The following PAK3 variants were observed in gnomAD, a reference collection of about 807,000 sequenced individuals.
The protein encoded by PAK3 is serine/threonine-protein kinase PAK 3.
Under a neutral mutation model 41.0 loss-of-function variants are expected in PAK3, and 4 were observed. That is an observed-to-expected ratio of 0.10 (90% CI 0.05 to 0.22). The LOEUF is 0.22. Ranked by LOEUF, PAK3 falls within the 10% of genes least tolerant of loss-of-function variation. The probability of loss-of-function intolerance (pLI) is 1.00; values close to 1 mark genes in which losing one functional copy is unlikely to be tolerated. For synonymous variants in PAK3, 146 were observed against 139.6 expected (o/e 1.05, Z -0.32); for missense variants, 205 against 409.9 (o/e 0.50, Z 4.32).
intron 1 of PAK3, among the ~76,000 whole-genome samples, chrX:111,042,338 C>T (rs2092459711): frequency 1.8e-5 from 2 of 112,168 alleles, no homozygotes; most frequent in Non-Finnish European, 3.8e-5. Context: ...CACACCATCT[C>T]CTGCTGCCCA....
chrX:111,136,139 T>A (rs1386343641), intron 5 of PAK3, among the ~76,000 whole-genome samples: 1 of 111,428 alleles, frequency 9.0e-6, no homozygotes, highest in Non-Finnish European at 1.9e-5. Context: ...CTCAGTGAAG[T>A]AGAAGGAAGG....
At chrX:111,035,126 AAAAAAAAAGAAAGAAAG>A (rs2092382678) in intron 1 of PAK3, among the ~76,000 whole-genome samples, 1 of 64,260 alleles carries the variant, frequency 1.6e-5, no homozygotes, top group Non-Finnish European at 3.1e-5. Context: ...AAAAAAAAAA[AAAAAAAAAGAAAGAAAG>A]AAAGAAAGAA....
chrX:111,144,482 A>G (rs1603298633), intron 6 of PAK3, among the ~76,000 whole-genome samples: 1 of 111,782 alleles, frequency 8.9e-6, no homozygotes, highest in East Asian at 2.8e-4. Flanking sequence ...GCCAAATTAT[A>G]AAAAGCTTTT....
chrX:111,060,858 A>T (rs2092649687), intron 1 of PAK3, among the ~76,000 whole-genome samples: 1 of 111,862 alleles, frequency 8.9e-6, no homozygotes, highest in Non-Finnish European at 1.9e-5. Context: ...TCTTGAGCAG[A>T]GTCAAATTTA....
chrX:110,970,601 T>TG (rs1305677751), intron 1 of PAK3, among the ~76,000 whole-genome samples: 1 of 109,523 alleles, frequency 9.1e-6, no homozygotes, highest in African/African-American at 3.3e-5. Context: ...CTGCTGTGGG[T>TG]GGGGGGAAAG....
At chrX:110,998,276 G>A (rs945765778) in intron 1 of PAK3, among the ~76,000 whole-genome samples, 2 of 111,840 alleles carry the variant, frequency 1.8e-5, no homozygotes, top group Non-Finnish European at 3.8e-5. Context: ...AACAAGCAAA[G>A]GAGACTGGAA....
chrX:111,129,592 G>A (rs909012104), intron 5 of PAK3, among the ~76,000 whole-genome samples: 4 of 111,356 alleles, frequency 3.6e-5, no homozygotes, highest in Non-Finnish European at 7.5e-5. Context: ...TATCTACCAG[G>A]GTCTGTGCTT....
chrX:111,189,076 C>G (rs187478807), intron 11 of PAK3, among the ~76,000 whole-genome samples: 34 of 111,495 alleles, frequency 3.0e-4, no homozygotes, highest in Middle Eastern at 9.3e-3. Flanking sequence ...CCTCCTCCCT[C>G]CTTCCTCACT....
intron 4 of PAK3, among the ~76,000 whole-genome samples, chrX:111,122,664 T>A (rs750209708): frequency 1.8e-5 from 2 of 111,447 alleles, no homozygotes; most frequent in East Asian, 5.6e-4. Flanking sequence ...CCATTAAAAA[T>A]CAACAGCCAA....
chrX:111,059,698 C>A (rs2092639387), intron 1 of PAK3, among the ~76,000 whole-genome samples: 1 of 111,237 alleles, frequency 9.0e-6, no homozygotes, highest in Non-Finnish European at 1.9e-5. Flanking sequence ...ATTTTTGATA[C>A]CATTATAAAA....
At chrX:111,077,361 A>T (rs746345107) in intron 1 of PAK3, among the ~76,000 whole-genome samples, 1 of 112,388 alleles carries the variant, frequency 8.9e-6, no homozygotes, top group East Asian at 2.8e-4. Flanking sequence ...AGAAATCTTG[A>T]GTGAAAAGAA....
chrX:111,170,325 A>G (rs2094321169), intron 10 of PAK3, among the ~76,000 whole-genome samples: 1 of 110,387 alleles, frequency 9.1e-6, no homozygotes, highest in Non-Finnish European at 1.9e-5. Context: ...TATATTAGCT[A>G]AGTCTTATTT....
At chrX:111,196,854 CTT>C (rs375476309) in intron 16 of PAK3, among the ~76,000 whole-genome samples, 4,408 of 79,095 alleles carry the variant, frequency 0.056, 261 homozygotes, top group African/African-American at 0.17. Flanking sequence ...TTCTTTCTTT[CTT>C]TTTTTTTTTT....
intron 1 of PAK3, among the ~76,000 whole-genome samples, chrX:111,067,365 G>T (rs1425221884): frequency 9.0e-6 from 1 of 111,400 alleles, no homozygotes; most frequent in African/African-American, 3.3e-5. Context: ...ATACTATGAG[G>T]AGTGTACTAT....
At chrX:111,115,765 T>C (rs1408451934) in intron 4 of PAK3, among the ~76,000 whole-genome samples, 4 of 111,764 alleles carry the variant, frequency 3.6e-5, no homozygotes, top group African/African-American at 1.3e-4. Flanking sequence ...TTTGCTAAAT[T>C]GATCTAAGTT....
At chrX:111,140,603 A>G (rs1296318611) in intron 5 of PAK3, among the ~76,000 whole-genome samples, 2 of 111,972 alleles carry the variant, frequency 1.8e-5, no homozygotes, top group African/African-American at 3.2e-5. Context: ...AAGTAGGCTC[A>G]CTGTAAAAAT....
chrX:110,948,852 G>A (rs1313879033), intron 1 of PAK3, among the ~76,000 whole-genome samples: 2 of 112,535 alleles, frequency 1.8e-5, no homozygotes, highest in Non-Finnish European at 3.7e-5. Context: ...TTAAGACTGT[G>A]TGATGCTGTA....
chrX:111,112,653 A>C (rs1184815546), intron 4 of PAK3, among the ~76,000 whole-genome samples: 1 of 111,530 alleles, frequency 9.0e-6, no homozygotes, highest in Non-Finnish European at 1.9e-5. Context: ...GAATAAATGA[A>C]TAAATTTAAG....
At chrX:110,955,826 A>G (rs1361231330) in intron 1 of PAK3, among the ~76,000 whole-genome samples, 1 of 112,044 alleles carries the variant, frequency 8.9e-6, no homozygotes, top group Non-Finnish European at 1.9e-5. Flanking sequence ...AAAACAGACT[A>G]CTTTGAAAGA....
Sources: allele counts gnomAD v4.1 joint callset (sites outside exome capture counted in the v4.1 genomes callset), GRCh38; gene constraint gnomAD v4.1.1; transcripts MANE v1.5; gene names NCBI Gene and HGNC (gene_info 2026-07-23, HGNC 2026-07-21).